Variants in DPY19L3 observed in about 807,000 individuals in gnomAD.
DPY19L3 encodes the protein dpy-19 like C-mannosyltransferase 3.
A neutral mutation model predicts 92.3 loss-of-function variants in DPY19L3; 51 were observed. The ratio of observed to expected loss-of-function variants is 0.55; its 90% CI spans 0.44 to 0.70. The LOEUF is 0.70. Ranked by LOEUF, DPY19L3 falls within the 30% of genes least tolerant of loss-of-function variation. The pLI is 0.00. For missense variants in DPY19L3, 706 were observed against 855.9 expected (o/e 0.82, Z 2.18); for synonymous variants, 309 against 315.2 (o/e 0.98, Z 0.21).
At chr19:32,464,576 C>T (rs1425464851) in intron 14 of DPY19L3, 152 bp from the exon 15 acceptor site, 3 of 457,762 alleles carry the variant, frequency 6.6e-6, no homozygotes, top group African/African-American at 6.2e-5. Context: ...GTGGCTCACT[C>T]CTATAATCCT....
chr19:32,457,989 C>A, intron 10 of DPY19L3, 111 bp from the exon 11 acceptor site: 1 of 774,578 alleles, frequency 1.3e-6, no homozygotes, highest in Non-Finnish European at 2.1e-6. Context: ...ATTTTGTACA[C>A]CCACACGCTC....
chr19:32,444,809 A>C (rs1255113801), intron 8 of DPY19L3, among the ~76,000 whole-genome samples: 1 of 151,896 alleles, frequency 6.6e-6, no homozygotes, highest in Non-Finnish European at 1.5e-5. Flanking sequence ...GGGGCTGGGC[A>C]CAGTGACTCA....
chr19:32,456,079 CTTTTTTTT>C (rs899726982), intron 10 of DPY19L3, among the ~76,000 whole-genome samples: 1 of 103,402 alleles, frequency 9.7e-6, no homozygotes, highest in African/African-American at 3.7e-5. Context: ...TCACTATGTT[CTTTTTTTT>C]TTTTTTTTTT....
rs369110605 is a variant in DPY19L3 at position 32,408,360 on chromosome 19, G to T, written c.103+4G>T. 15 of 1,610,238 alleles carry T rather than the reference G, an allele frequency of 9.3e-6. No homozygotes were observed. In the South Asian group the frequency reaches 1.7e-4, roughly 18 times the overall value. On this transcript the variant is annotated splice_donor_region_variant and intron_variant, in intron 2 of 18. Coordinates refer to ENST00000392250, the MANE Select transcript of DPY19L3 (RefSeq NM_001172774.2). ...TTGGAAAATAAATTGCCATCTGGTAGGTGATTTAAACTAAAGCAGCAATTT... is the reference window on the plus strand; with the variant it reads ...TTGGAAAATAAATTGCCATCTGGTATGTGATTTAAACTAAAGCAGCAATTT...
At chr19:32,468,520 T>C (rs1970262334) in intron 15 of DPY19L3, 2 of 1,213,482 alleles carry the variant, frequency 1.6e-6, no homozygotes, top group South Asian at 6.7e-5. Flanking sequence ...CCTAATTAGT[T>C]TCAGCTGAAG....
chr19:32,414,698 T>G (rs1035627670), intron 3 of DPY19L3, among the ~76,000 whole-genome samples: 1 of 152,208 alleles, frequency 6.6e-6, no homozygotes, highest in Non-Finnish European at 1.5e-5. Flanking sequence ...TATCTCTGTG[T>G]GAGCAGATAG....
chr19:32,480,450 A>T lies in DPY19L3; in HGVS notation c.1882A>T (p.Arg628Trp). 2 of 1,614,186 alleles carry T rather than the reference A, an allele frequency of 1.2e-6. No homozygotes were observed. Among genetic ancestry groups the T allele is most frequent in the Non-Finnish European group, 1.7e-6 (2 of 1,180,012 alleles). ...RAPEEVHALL[R>W]SFGTDYVILE... is the part of the protein sequence containing the mutation. ...ACCAGAGGAAGTGCATGCCCTCCTA[A>T]GGTCCTTCGGCACTGACTACGTAAT... The change falls in exon 18 of 19, where the codon AGG becomes TGG. Residue 628 changes from arginine to tryptophan, a missense_variant. Transcript: ENST00000392250.
chr19:32,411,155 G>A, intron 2 of DPY19L3, 84 bp from the exon 3 acceptor site: 4 of 1,428,786 alleles, frequency 2.8e-6, no homozygotes, highest in Non-Finnish European at 3.8e-6. Flanking sequence ...GCTAGACTTA[G>A]CTTACTTGAT....
At chr19:32,447,894 CCTT>C (rs1969569140) in intron 8 of DPY19L3, among the ~76,000 whole-genome samples, 2 of 152,116 alleles carry the variant, frequency 1.3e-5, no homozygotes, top group South Asian at 2.1e-4. Context: ...AAATTGCGAA[CCTT>C]CTCCATAATT....
chr19:32,421,466 C>G (rs1298778504), intron 3 of DPY19L3, among the ~76,000 whole-genome samples: 3 of 152,022 alleles, frequency 2.0e-5, no homozygotes, highest in Non-Finnish European at 2.9e-5. Context: ...ATGGCAAAAC[C>G]CTGTCTCTAC....
At chr19:32,478,057 C>T (rs1970565217) in intron 17 of DPY19L3, among the ~76,000 whole-genome samples, 1 of 152,192 alleles carries the variant, frequency 6.6e-6, no homozygotes. Flanking sequence ...TTACCTCCCA[C>T]CAGGTCCCTA....
chr19:32,460,921 A>G (rs1052366727), intron 12 of DPY19L3, among the ~76,000 whole-genome samples: 1 of 151,568 alleles, frequency 6.6e-6, no homozygotes, highest in African/African-American at 2.4e-5. Context: ...GCTGGAGTGC[A>G]GTGGTGCAAT....
chr19:32,478,500 A>C (rs1258659064), intron 17 of DPY19L3, among the ~76,000 whole-genome samples: 3 of 152,240 alleles, frequency 2.0e-5, no homozygotes, highest in Non-Finnish European at 4.4e-5. Flanking sequence ...AAAAGGAAAT[A>C]TGGTGAAAAG....
intron 10 of DPY19L3, among the ~76,000 whole-genome samples, chr19:32,456,079 C>CTTTTTTT (rs899726982): frequency 1.5e-4 from 16 of 103,402 alleles, no homozygotes; most frequent in Non-Finnish European, 1.7e-4. Flanking sequence ...TCACTATGTT[C>CTTTTTTT]TTTTTTTTTT....
chr19:32,414,785 A>G (rs971696933), intron 3 of DPY19L3, among the ~76,000 whole-genome samples: 1 of 152,240 alleles, frequency 6.6e-6, no homozygotes, highest in Non-Finnish European at 1.5e-5. Flanking sequence ...TAAACTATTA[A>G]GTGTAGCTCT....
At chr19:32,437,916 C>T (rs1222307006) in intron 6 of DPY19L3, among the ~76,000 whole-genome samples, 1 of 151,958 alleles carries the variant, frequency 6.6e-6, no homozygotes, top group Non-Finnish European at 1.5e-5. Context: ...TCAAGCAGTC[C>T]TCCCACCTTG....
intron 3 of DPY19L3, among the ~76,000 whole-genome samples, chr19:32,430,125 C>T (rs1968910603): frequency 6.6e-6 from 1 of 152,134 alleles, no homozygotes; most frequent in African/African-American, 2.4e-5. Context: ...ACTGTGGCTT[C>T]TGTCTGTAAT....
intron 3 of DPY19L3, among the ~76,000 whole-genome samples, chr19:32,431,097 T>C (rs1328118499): frequency 2.6e-5 from 4 of 152,170 alleles, no homozygotes; most frequent in African/African-American, 9.6e-5. Context: ...TGAAAAAGCA[T>C]GGCCGGGTGC....
At chr19:32,438,834 A>C (rs1325140696) in intron 6 of DPY19L3, 1 of 284,170 alleles carries the variant, frequency 3.5e-6, no homozygotes, top group East Asian at 6.0e-5. Flanking sequence ...TTGGCATGAT[A>C]CATTTGTGAG....
Sources: allele counts gnomAD v4.1 joint callset (sites outside exome capture counted in the v4.1 genomes callset), GRCh38; gene constraint gnomAD v4.1.1; transcripts MANE v1.5; gene names NCBI Gene and HGNC (gene_info 2026-07-23, HGNC 2026-07-21).